The following APOB variants were observed in gnomAD, a reference collection of about 807,000 sequenced individuals.
The protein encoded by APOB is apolipoprotein B.
In APOB, 153 loss-of-function variants were observed where a neutral mutation model predicts 314.1. The observed-to-expected ratio is 0.49, with a 90% CI of 0.43 to 0.56. The LOEUF is 0.56. APOB is among the 20% of genes least tolerant of loss of function. APOB has a pLI of 0.00. For synonymous variants in APOB, 2,087 were observed against 2,036.4 expected (o/e 1.02, Z -0.67); for missense variants, 5,430 against 5,350.7 (o/e 1.01, Z -0.46).
At position 21,016,576 on chromosome 2, in the gene APOB, T is replaced by A; in HGVS notation, c.3195A>T (p.Gln1065His). 6.2e-7 allele frequency: 1 copy of A among 1,612,274 alleles called. No individual in the cohort carries two copies. The highest frequency in any genetic ancestry group is 8.5e-7 in the Non-Finnish European group (1 of 1,178,352). Residue 1065 changes from glutamine (Q) to histidine (H), a missense_variant, in exon 21 of 29, where the codon CAA (glutamine) becomes CAT (histidine). Coordinates refer to ENST00000233242, the MANE Select transcript of APOB (RefSeq NM_000384.3). The part of the protein sequence containing the change: ...RQSMTLSSEV[Q>H]IPDFDVDLGT... ...CGAGGTCAACATCAAAATCCGGAAT[T>A]TGGACTTCACTGGACAAGGTCATAC...
chr2:21,043,399 AG>A (rs1572805761), intron 2 of APOB, 113 bp downstream of exon 2: 1 of 1,261,960 alleles, frequency 7.9e-7, no homozygotes, highest in East Asian at 2.5e-5. Flanking sequence ...GGTCAGAGCA[AG>A]GCACACCACG....
rs564227456 is a variant in APOB at position 21,007,079 on chromosome 2, G to A, written c.9789C>T (p.Phe3263=). The part of the protein sequence containing the change: ...VPVVNVEVSP[F]TIEMSAFGYV... Reference sequence around the variant, plus strand: ...AGCCGAATGCCGACATCTCTATGGTGAATGGAGACACTTCAACATTGACAA... The same window carrying A: ...AGCCGAATGCCGACATCTCTATGGTAAATGGAGACACTTCAACATTGACAA... The change falls in exon 26 of 29, where the codon TTC becomes TTT. Residue 3263 remains phenylalanine, a synonymous_variant. Transcript: ENST00000233242. The A allele has an allele frequency of 4.3e-6, 7 of 1,613,906 alleles. No individual in the cohort carries two copies. Among genetic ancestry groups the A allele is most frequent in the Non-Finnish European group, 5.1e-6 (6 of 1,179,950 alleles).
rs780389854 is a variant in APOB at position 21,026,910 on chromosome 2, G to C, written c.2122C>G (p.Gln708Glu). 1.9e-6 allele frequency: 3 copies of C among 1,614,028 alleles called. No individual in the cohort carries two copies. In the African/African-American group the frequency reaches 4.0e-5, roughly 22 times the overall value. Residue 708 changes from glutamine to glutamate, a missense_variant, in exon 15 of 29, where the codon CAA becomes GAA. Coordinates refer to ENST00000233242, the MANE Select transcript of APOB (RefSeq NM_000384.3). ...TTGACACTGTCTGGGAAAAATCCTTGCTTCCCAAAAAGAGCTTCCAATGTT... is the reference window on the plus strand; with the variant it reads ...TTGACACTGTCTGGGAAAAATCCTTCCTTCCCAAAAAGAGCTTCCAATGTT... The part of the protein sequence containing the change: ...EPTLEALFGK[Q>E]GFFPDSVNKA...
rs771530718 is a variant in APOB, at chr2:21,013,523, C to T, written c.3853G>A (p.Val1285Ile). The change falls in exon 25 of 29, where the codon GTC becomes ATC. Residue 1285 changes from valine to isoleucine, a missense_variant. Val to Ile is a conservative substitution (Grantham distance 29). Coordinates refer to ENST00000233242, the MANE Select transcript of APOB (RefSeq NM_000384.3). ...CTGTTCTTGTTCAAGGTATATTTGACCCGGCCATCGCTGAAATGAACAACA... is the reference window on the plus strand; with the variant it reads ...CTGTTCTTGTTCAAGGTATATTTGATCCGGCCATCGCTGAAATGAACAACA... ...ENLFLKSDGR[V>I]KYTLNKNSLK... 1.1e-5 allele frequency: 18 copies of T among 1,614,036 alleles called. No homozygotes were observed. In the African/African-American group the frequency reaches 2.4e-4, roughly 22 times the overall value.
Position 21,037,121 on chromosome 2 carries a change from T to A in APOB, c.672A>T (p.Pro224=). 6.2e-7 allele frequency: 1 copy of A among 1,614,216 alleles called. No individual in the cohort carries two copies. The highest frequency in any genetic ancestry group is 8.5e-7 in the Non-Finnish European group (1 of 1,180,042). Reference sequence around the variant, plus strand: ...TTACCATGCCTTTGATGAGAGCAAGTGGGCTGATGCCTGTGCGGATGGGCT... The same window carrying A: ...TTACCATGCCTTTGATGAGAGCAAGAGGGCTGATGCCTGTGCGGATGGGCT... The part of the protein sequence containing the change: ...RFKPIRTGIS[P]LALIKGMTRP... The change falls in exon 6 of 29, where the codon CCA becomes CCT. Residue 224 remains proline, a synonymous_variant. Transcript: ENST00000233242.
At chr2:21,033,635 C>T in intron 8 of APOB, 117 bp from the exon 9 acceptor site, 2 of 876,566 alleles carry the variant, frequency 2.3e-6, no homozygotes, top group South Asian at 2.7e-5. Flanking sequence ...AAGAAACTAT[C>T]CTGTATTCAA....
At chr2:21,025,982 C>A (rs927622079) in intron 15 of APOB, among the ~76,000 whole-genome samples, 1 of 152,154 alleles carries the variant, frequency 6.6e-6, no homozygotes, top group South Asian at 2.1e-4. Context: ...GGAGTGAGAG[C>A]CAAAGACAGC....
In APOB at chr2:21,027,830, C is replaced by T. The variant is rs895052788; in HGVS notation, c.2065G>A (p.Glu689Lys). The change falls in exon 14 of 29, where the codon GAG (glutamate) becomes AAG (lysine). Residue 689 changes from glutamate (E) to lysine (K), a missense_variant and splice_region_variant. Physicochemically the swap from Glu to Lys is moderately conservative, Grantham distance 56. Around this residue, in one of 3 missense-constraint regions of APOB, gnomAD observed 2,085 missense variants for 2,079.7 expected, o/e 1.00. Transcript: ENST00000233242. ...AACCTCAAACTCTTCACACTTACCT[C>T]GATGAGGTCAGCTGAAGCAAATCCA... ...AFGFASADLI[E>K]IGLEGKGFEP... 4.3e-6 allele frequency: 7 copies of T among 1,609,954 alleles called. No individual in the cohort carries two copies. Among genetic ancestry groups the T allele is most frequent in the Non-Finnish European group, 6.0e-6 (7 of 1,176,360 alleles).
In APOB at chr2:21,012,391, A is replaced by G. The variant is rs140246447; in HGVS notation, c.4477T>C (p.Ser1493Pro). Residue 1493 changes from serine to proline, a missense_variant, in exon 26 of 29, where the codon TCT (serine) becomes CCT (proline). Transcript: ENST00000233242. ...TATGTGCCTTTAGCATAGAACGAAGAGACTCTGAACTGCCCATCAATCTTG... is the reference window on the plus strand; with the variant it reads ...TATGTGCCTTTAGCATAGAACGAAGGGACTCTGAACTGCCCATCAATCTTG... ...EVKIDGQFRV[S>P]SFYAKGTYGL... 1 of 1,614,208 alleles carries G rather than the reference A, an allele frequency of 6.2e-7. No individual in the cohort carries two copies. The highest frequency in any genetic ancestry group is 8.5e-7 in the Non-Finnish European group (1 of 1,180,032).
At position 21,001,657 on chromosome 2, in the gene APOB, A is replaced by C. The variant is rs1451938249; in HGVS notation, c.*73T>G. On this transcript the variant is annotated 3_prime_UTR_variant, in exon 29 of 29. Transcript: ENST00000233242. ...ACTGTATGGTTTTATCAATATAGGC[A>C]GTTTGAATTTTTTCTGTGCTATGTG... The C allele has an allele frequency of 1.4e-6, 2 of 1,469,630 alleles. No homozygotes were observed. Among genetic ancestry groups the C allele is most frequent in the Non-Finnish European group, 9.5e-7 (1 of 1,053,530 alleles). The allele number at this position is 1,469,630 out of a possible 1,614,324, so 91.0% of individuals were successfully genotyped here.
intron 1 of APOB, 26 bp downstream of exon 1, chr2:21,043,838 C>A: frequency 1.3e-6 from 2 of 1,531,992 alleles, no homozygotes; most frequent in African/African-American, 1.4e-5. Context: ...GCTCCCTCTG[C>A]GCCCGCAGAG....
chr2:21,010,619 C>T lies in APOB; in HGVS notation c.6249G>A (p.Arg2083=). 1.2e-6 allele frequency: 2 copies of T among 1,614,032 alleles called. No homozygotes were observed. The highest frequency in any genetic ancestry group is 1.1e-5 in the South Asian group (1 of 91,072). Residue 2083 remains arginine (R), a synonymous_variant, in exon 26 of 29, where the codon AGG becomes AGA. Coordinates refer to ENST00000233242, the MANE Select transcript of APOB (RefSeq NM_000384.3). Reference sequence around the variant, plus strand: ...GTACAACTATAATGGTTTGTCGATTCCTCTCAAAATATTCTTGCAAGGTCT... The same window carrying T: ...GTACAACTATAATGGTTTGTCGATTTCTCTCAAAATATTCTTGCAAGGTCT... ...FFETLQEYFE[R]NRQTIIVVLE...
At chr2:21,038,422 C>T (rs1664057765) in intron 4 of APOB, among the ~76,000 whole-genome samples, 1 of 152,030 alleles carries the variant, frequency 6.6e-6, no homozygotes, top group South Asian at 2.1e-4. Flanking sequence ...CTGCAACCTC[C>T]ACCTCCTGGG....
At chr2:21,041,251 CTG>C (rs1392492208) in intron 3 of APOB, among the ~76,000 whole-genome samples, 168 bp from the exon 4 acceptor site, 5 of 152,246 alleles carry the variant, frequency 3.3e-5, no homozygotes, top group Admixed American at 2.6e-4. Context: ...CCTGGGTTCT[CTG>C]TGCACCAACC....
Position 21,040,989 on chromosome 2 carries a change from G to C in APOB, c.332C>G (p.Ala111Gly). The change falls in exon 4 of 29, where the codon GCC (alanine) becomes GGC (glycine). Residue 111 changes from alanine (A) to glycine (G), a missense_variant. Transcript: ENST00000233242. ...AGAGTTCTTGGTTTTCTTCAGCAAGGCTTTGCCCTCAGGGTTGAAGCCATA... is the reference window on the plus strand; with the variant it reads ...AGAGTTCTTGGTTTTCTTCAGCAAGCCTTTGCCCTCAGGGTTGAAGCCATA... The part of the protein sequence containing the change: ...EVYGFNPEGK[A>G]LLKKTKNSEE... 6.2e-7 allele frequency: 1 copy of C among 1,614,014 alleles called. No homozygotes were observed. The highest frequency in any genetic ancestry group is 8.5e-7 in the Non-Finnish European group (1 of 1,180,026).
In APOB at chr2:21,041,269, T is replaced by C. The variant is rs559081695; in HGVS notation, c.238-186A>G. On this transcript the variant is annotated intron_variant, in intron 3 of 28. Coordinates refer to ENST00000233242, the MANE Select transcript of APOB (RefSeq NM_000384.3). The stretch of plus-strand genomic sequence containing the variant: ...GGGTTCTCTGTGCACCAACCTAGAC[T>C]TAGTCCTATTGCTGACGTTTTCCCC... Among the ~76,000 whole-genome samples the C allele has an allele frequency of 3.3e-5, 5 of 152,352 alleles. No individual in the cohort carries two copies. The South Asian group carries it at 1.0e-3, about 32-fold the overall frequency.
Position 21,004,322 on chromosome 2 carries a change from C to G in APOB, c.12034G>C (p.Asp4012His), listed in dbSNP as rs781252339. Residue 4012 changes from aspartate to histidine, a missense_variant, in exon 28 of 29, where the codon GAT becomes CAT. By Grantham distance (81) the Asp-to-His change is moderately conservative. Coordinates refer to ENST00000233242, the MANE Select transcript of APOB (RefSeq NM_000384.3). The stretch of plus-strand genomic sequence containing the variant: ...GAAAAGTCGTCATCTTCATCCATAT[C>G]CATGCCCACGGTGCCTACGGCTGGG... ...ASPAVGTVGM[D>H]MDEDDDFSKW... 1.9e-6 allele frequency: 3 copies of G among 1,613,972 alleles called. No individual in the cohort carries two copies. Among genetic ancestry groups the G allele is most frequent in the Non-Finnish European group, 2.5e-6 (3 of 1,179,920 alleles).
chr2:21,033,076 A>G lies in APOB; in HGVS notation c.1124+223T>C, dbSNP rs12714226. 3.2e-3 allele frequency among the ~76,000 whole-genome samples: 495 copies of G among 152,330 alleles called. 4 individuals are homozygous for G. Among genetic ancestry groups the G allele is most frequent in the African/African-American group, 0.011 (467 of 41,568 alleles). ...GGAACTATTCTCCTTCTGTTTTAAC[A>G]CACAAATACATAGCTGCCTTGAACA... On this transcript the variant is annotated intron_variant, in intron 9 of 28. Transcript: ENST00000233242.
At chr2:21,031,110 C>G (rs1572797787) in intron 10 of APOB, among the ~76,000 whole-genome samples, 1 of 152,208 alleles carries the variant, frequency 6.6e-6, no homozygotes, top group East Asian at 1.9e-4. Flanking sequence ...GGGTATATAC[C>G]TAAAGGAAAA....
Sources: allele counts gnomAD v4.1 joint callset (sites outside exome capture counted in the v4.1 genomes callset), GRCh38; gene constraint gnomAD v4.1.1; regional missense constraint gnomAD v4.1.1; transcripts MANE v1.5; gene names NCBI Gene and HGNC (gene_info 2026-07-23, HGNC 2026-07-21).